Variants in EFHD2 observed in about 807,000 individuals in gnomAD.
The protein encoded by EFHD2 is EF-hand domain-containing protein D2.
EFHD2 carries 12 observed loss-of-function variants against 20.3 expected under a neutral mutation model. The ratio of observed to expected loss-of-function variants is 0.59; its 90% CI spans 0.38 to 0.96. The LOEUF is 0.96. Among genes scored for constraint, EFHD2 ranks in the 40% least tolerant of loss-of-function variants. EFHD2 has a pLI of 0.00. For synonymous variants in EFHD2, 131 were observed against 143.9 expected (o/e 0.91, Z 0.64); for missense variants, 250 against 334.3 (o/e 0.75, Z 1.97).
intron 1 of EFHD2, among the ~76,000 whole-genome samples, chr1:15,410,928 G>A (rs1422721380): frequency 3.3e-5 from 5 of 152,064 alleles, no homozygotes; most frequent in African/African-American, 1.2e-4. Flanking sequence ...GCAAACTGGG[G>A]GCAAAGACTT....
At chr1:15,424,507 G>T (rs1353339688) in intron 1 of EFHD2, among the ~76,000 whole-genome samples, 1 of 152,144 alleles carries the variant, frequency 6.6e-6, no homozygotes, top group Non-Finnish European at 1.5e-5. Context: ...ACCTGAGAGT[G>T]CAGGGCAGAG....
intron 1 of EFHD2, among the ~76,000 whole-genome samples, chr1:15,420,226 C>G (rs999192029): frequency 2.6e-5 from 4 of 152,192 alleles, no homozygotes; most frequent in African/African-American, 4.8e-5. Flanking sequence ...ATATGTGACA[C>G]ACACAAACTT....
rs1707920004 is a variant in EFHD2 at position 15,428,951 on chromosome 1, G to C, written c.*227G>C. On this transcript the variant is annotated 3_prime_UTR_variant, in exon 4 of 4. Transcript: ENST00000375980. ...CACACCGGCGCTGGCTCCCTGCCCGGCCCGGCCCTCCCTGGCAATCCCTGG... is the reference window on the plus strand; with the variant it reads ...CACACCGGCGCTGGCTCCCTGCCCGCCCCGGCCCTCCCTGGCAATCCCTGG... 1 of 589,960 alleles carries C rather than the reference G, an allele frequency of 1.7e-6. No homozygotes were observed. Among genetic ancestry groups the C allele is most frequent in the African/African-American group, 1.9e-5 (1 of 52,948 alleles). The allele number at this position is 589,960 out of a possible 1,614,324, so 36.5% of individuals were successfully genotyped here.
At chr1:15,417,981 C>CTTTTTTTTTTTT (rs57589251) in intron 1 of EFHD2, among the ~76,000 whole-genome samples, 1 of 97,088 alleles carries the variant, frequency 1.0e-5, no homozygotes, top group East Asian at 3.1e-4. Context: ...CTTTCTTTTT[C>CTTTTTTTTTTTT]TTTTTTTTTT....
intron 1 of EFHD2, among the ~76,000 whole-genome samples, chr1:15,418,141 C>A (rs1175609419): frequency 2.0e-5 from 3 of 150,464 alleles, no homozygotes; most frequent in Non-Finnish European, 4.4e-5. Context: ...AGGCATGCAC[C>A]ACCACACCCA....
At chr1:15,416,481 G>T (rs1707672052) in intron 1 of EFHD2, among the ~76,000 whole-genome samples, 1 of 152,232 alleles carries the variant, frequency 6.6e-6, no homozygotes, top group African/African-American at 2.4e-5. Flanking sequence ...TGCCAGAAAG[G>T]TGTGGCCAGA....
Position 15,410,261 on chromosome 1 carries a change from T to C in EFHD2, c.290T>C (p.Met97Thr). The C allele has an allele frequency of 1.9e-6, 3 of 1,598,964 alleles. No homozygotes were observed. Among genetic ancestry groups the C allele is most frequent in the South Asian group, 1.1e-5 (1 of 89,324 alleles). ...TTCTCCAGGAAGCAGATCAAGGACA[T>C]GGAGAAGATGTTCAAGCAGTAAGTG... is the stretch of plus-strand genomic sequence containing the variant. ...KEFSRKQIKD[M>T]EKMFKQYDAG... is the part of the protein sequence containing the mutation. Residue 97 changes from methionine to threonine, a missense_variant, in exon 1 of 4, where the codon ATG (methionine) becomes ACG (threonine). This residue lies in a region of EFHD2 where 143 missense variants were observed against 190.6 expected (regional missense o/e 0.75). Transcript: ENST00000375980.
Position 15,426,197 on chromosome 1 carries a change from C to G in EFHD2, c.456+179C>G, listed in dbSNP as rs1557502224. On this transcript the variant is annotated intron_variant, in intron 2 of 3. Transcript: ENST00000375980. The surrounding 1 kb of genome is among the most constrained non-coding windows in gnomAD (Gnocchi z 4.6). Reference sequence around the variant, plus strand: ...TCAGAGGGCCTGTTACAGCAGGCACCAGGGAGGGTTCTGAGATCCTCTCGG... The same window carrying G: ...TCAGAGGGCCTGTTACAGCAGGCACGAGGGAGGGTTCTGAGATCCTCTCGG... 6.6e-6 allele frequency among the ~76,000 whole-genome samples: 1 copy of G among 152,098 alleles called. No homozygotes were observed. Among genetic ancestry groups the G allele is most frequent in the Admixed American group, 6.6e-5 (1 of 15,264 alleles).
chr1:15,424,319 A>G lies in EFHD2; in HGVS notation c.309-1552A>G, dbSNP rs371897897. Among the ~76,000 whole-genome samples the G allele has an allele frequency of 3.6e-4, 55 of 152,144 alleles. 1 individual carries two copies. The highest frequency in any genetic ancestry group is 1.3e-3 in the African/African-American group (53 of 41,444). ...GTTGATAAGAGAGCCCAGCTGGGCA[A>G]ACAGCGCCTCGCCCTCTTTCACCAG... On this transcript the variant is annotated intron_variant, in intron 1 of 3. Coordinates refer to ENST00000375980, the MANE Select transcript of EFHD2 (RefSeq NM_024329.6).
rs777342956 is a variant in EFHD2 at position 15,426,054 on chromosome 1, G to A, written c.456+36G>A. The A allele has an allele frequency of 2.0e-6, 3 of 1,530,986 alleles. No homozygotes were observed. Among genetic ancestry groups the A allele is most frequent in the Non-Finnish European group, 2.6e-6 (3 of 1,144,042 alleles). The allele number at this position is 1,530,986 out of a possible 1,614,324, so 94.8% of individuals were successfully genotyped here. ...CCCCCAGCCCCACTCCCCTACCAGG[G>A]GCTTCACCTGAGGACCTGGTGGCCC... On this transcript the variant is annotated intron_variant, in intron 2 of 3. Coordinates refer to ENST00000375980, the MANE Select transcript of EFHD2 (RefSeq NM_024329.6). The surrounding 1 kb of genome is among the most constrained non-coding windows in gnomAD (Gnocchi z 4.6).
At chr1:15,411,755 CG>C (rs1168230259) in intron 1 of EFHD2, among the ~76,000 whole-genome samples, 12 of 152,288 alleles carry the variant, frequency 7.9e-5, no homozygotes, top group South Asian at 6.2e-4. Flanking sequence ...GCGGCAAGGC[CG>C]GCTCCCGCTT....
chr1:15,414,359 G>A (rs1013512552), intron 1 of EFHD2, among the ~76,000 whole-genome samples: 10 of 152,360 alleles, frequency 6.6e-5, no homozygotes, highest in African/African-American at 2.4e-4. Flanking sequence ...CTTCCTGGAC[G>A]CAGTCAGCAG....
rs911624700 is a variant in EFHD2 at position 15,429,144 on chromosome 1, G to T, written c.*420G>T. 1 of 197,192 alleles carries T rather than the reference G, an allele frequency of 5.1e-6. No homozygotes were observed. Among genetic ancestry groups the T allele is most frequent in the Non-Finnish European group, 1.1e-5 (1 of 95,044 alleles). The allele number at this position is 197,192 out of a possible 1,614,324, so 12.2% of individuals were successfully genotyped here. A position where few individuals can be genotyped will look rare whatever the true frequency, so the allele number is the denominator to read the frequency against. On this transcript the variant is annotated 3_prime_UTR_variant, in exon 4 of 4. Transcript: ENST00000375980. Reference sequence around the variant, plus strand: ...TCCTCCAGCAGGCCGCACCGCCCCTGGGGCCCCCTGCCAGCCCCTTCCCAG... The same window carrying T: ...TCCTCCAGCAGGCCGCACCGCCCCTTGGGCCCCCTGCCAGCCCCTTCCCAG...
intron 1 of EFHD2, among the ~76,000 whole-genome samples, chr1:15,423,241 G>C (rs1707822840): frequency 6.6e-6 from 1 of 152,220 alleles, no homozygotes; most frequent in Non-Finnish European, 1.5e-5. Flanking sequence ...TACTGTCACA[G>C]AGGTGGCCAC....
rs1162700502 is a variant in EFHD2 at position 15,429,969 on chromosome 1, T to C, written c.*1245T>C. 2 of 152,730 alleles carry C rather than the reference T, an allele frequency of 1.3e-5. No individual in the cohort carries two copies. The highest frequency in any genetic ancestry group is 4.8e-5 in the African/African-American group (2 of 41,476). The allele number at this position is 152,730 out of a possible 1,614,324, so 9.5% of individuals were successfully genotyped here. A position where few individuals can be genotyped will look rare whatever the true frequency, so the allele number is the denominator to read the frequency against. On this transcript the variant is annotated 3_prime_UTR_variant, in exon 4 of 4. Transcript: ENST00000375980. ...TGAGTGGCCCTCGAGGCCACAGTTATGCAACTTTCAGTGTGTGTCATAACG... is the reference window on the plus strand; with the variant it reads ...TGAGTGGCCCTCGAGGCCACAGTTACGCAACTTTCAGTGTGTGTCATAACG...
Position 15,410,338 on chromosome 1 carries a change from A to G in EFHD2, c.308+59A>G, listed in dbSNP as rs1057438456. On this transcript the variant is annotated intron_variant, in intron 1 of 3. Transcript: ENST00000375980. ...CCCGCGACCCGGTCTCGGGCCCCGAACCCCCCGATCCCCGGATCCCGCTCC... is the reference window on the plus strand; with the variant it reads ...CCCGCGACCCGGTCTCGGGCCCCGAGCCCCCCGATCCCCGGATCCCGCTCC... The G allele has an allele frequency of 2.7e-6, 4 of 1,485,838 alleles. No individual in the cohort carries two copies. In the Admixed American group the frequency reaches 9.4e-5, roughly 35 times the overall value. 92.0% of individuals were successfully genotyped at this position (1,485,838 alleles called of 1,614,324 possible).
intron 2 of EFHD2, 44 bp from the exon 3 acceptor site, chr1:15,427,106 C>T: frequency 6.3e-7 from 1 of 1,598,934 alleles, no homozygotes; most frequent in South Asian, 1.1e-5. Flanking sequence ...GGCTCCCCTC[C>T]TTCCCTCCCT....
At chr1:15,410,322 C>G (rs768630170) in intron 1 of EFHD2, 43 bp downstream of exon 1, 8 of 1,525,042 alleles carry the variant, frequency 5.2e-6, no homozygotes, top group Middle Eastern at 2.2e-4. Context: ...CCCCGCGACC[C>G]GGTCTCGGGC....
intron 3 of EFHD2, chr1:15,427,795 G>A (rs536034180): frequency 4.9e-5 from 20 of 409,264 alleles, no homozygotes; most frequent in African/African-American, 2.7e-4. Context: ...CAGCTCTCCC[G>A]CCTTGTTTCT....
Sources: allele counts gnomAD v4.1 joint callset (sites outside exome capture counted in the v4.1 genomes callset), GRCh38; gene constraint gnomAD v4.1.1; regional missense constraint gnomAD v4.1.1; non-coding constraint Gnocchi (gnomAD v3.1); transcripts MANE v1.5; gene names NCBI Gene and HGNC (gene_info 2026-07-23, HGNC 2026-07-21).